Variants in ZNF385D observed in about 807,000 individuals in gnomAD.
ZNF385D encodes zinc finger protein 385D.
A neutral mutation model predicts 35.8 loss-of-function variants in ZNF385D; 15 were observed. That is an observed-to-expected ratio of 0.42 (90% CI 0.28 to 0.64). The LOEUF is 0.64. Ranked by LOEUF, ZNF385D falls within the 30% of genes least tolerant of loss-of-function variation. The pLI is 0.23. For synonymous variants in ZNF385D, 212 were observed against 186.8 expected (o/e 1.13, Z -1.10); for missense variants, 474 against 494.6 (o/e 0.96, Z 0.39).
intron 3 of ZNF385D, among the ~76,000 whole-genome samples, chr3:21,866,156 T>TA (rs958328207): frequency 4.2e-4 from 64 of 151,208 alleles, no homozygotes; most frequent in Non-Finnish European, 5.8e-4. Flanking sequence ...AATCTGGTAT[T>TA]AAAAAAAAAC....
At chr3:22,167,392 C>T (rs1415255950) in intron 3 of ZNF385D, among the ~76,000 whole-genome samples, 2 of 152,154 alleles carry the variant, frequency 1.3e-5, no homozygotes, top group Non-Finnish European at 2.9e-5. Flanking sequence ...AGAAACTACC[C>T]AACTGTGGGG....
intron 3 of ZNF385D, among the ~76,000 whole-genome samples, chr3:21,765,462 G>A (rs2070785926): frequency 6.6e-6 from 1 of 152,072 alleles, no homozygotes; most frequent in South Asian, 2.1e-4. Flanking sequence ...GGGATTTTCT[G>A]AGACCCATGA....
intron 2 of ZNF385D, among the ~76,000 whole-genome samples, chr3:22,332,936 T>TTCCGGTA (rs1695005066): frequency 1.3e-5 from 2 of 152,108 alleles, no homozygotes; most frequent in South Asian, 4.1e-4. Flanking sequence ...TTAACTTTCC[T>TTCCGGTA]TCCGGTAACA....
intron 3 of ZNF385D, among the ~76,000 whole-genome samples, chr3:21,950,066 A>AAATGATGTAGTAACTATGATGGTTTCCTC (rs1559784200): frequency 3.3e-5 from 5 of 152,002 alleles, no homozygotes; most frequent in African/African-American, 1.2e-4. Context: ...CTTTGGGTAT[A>AAATGATGTAGTAACTATGATGGTTTCCTC]TACCCAGTAA....
chr3:22,049,424 G>A (rs1376291918), intron 3 of ZNF385D, among the ~76,000 whole-genome samples: 1 of 149,986 alleles, frequency 6.7e-6, no homozygotes, highest in African/African-American at 2.4e-5. Flanking sequence ...TTTTTTTTTG[G>A]CGGATTCTTT....
At chr3:21,914,142 A>T (rs1025361204) in intron 3 of ZNF385D, among the ~76,000 whole-genome samples, 11 of 151,974 alleles carry the variant, frequency 7.2e-5, no homozygotes, top group African/African-American at 2.7e-4. Context: ...AATCACTCTT[A>T]AAAAAAATGA....
intron 1 of ZNF385D, among the ~76,000 whole-genome samples, chr3:21,681,297 G>GAAAAAAA (rs1559513520): frequency 4.9e-4 from 1 of 2,022 alleles, no homozygotes; most frequent in Non-Finnish European, 1.7e-3. Context: ...TATTCCATCA[G>GAAAAAAA]TAAAAAAAAA....
chr3:22,217,510 T>C (rs77452537), intron 2 of ZNF385D, among the ~76,000 whole-genome samples: 2,288 of 152,290 alleles, frequency 0.015, 55 homozygotes, highest in African/African-American at 0.052. Context: ...AATGACCCTG[T>C]TTCCAAATAA....
chr3:21,980,011 G>A (rs977249290), intron 3 of ZNF385D, among the ~76,000 whole-genome samples: 1 of 152,150 alleles, frequency 6.6e-6, no homozygotes, highest in Non-Finnish European at 1.5e-5. Context: ...TGACTTTCAA[G>A]ACTAGGCCAT....
chr3:21,922,688 G>A (rs1700531293), intron 3 of ZNF385D, among the ~76,000 whole-genome samples: 1 of 152,110 alleles, frequency 6.6e-6, no homozygotes, highest in Admixed American at 6.5e-5. Flanking sequence ...AAGAATCCGA[G>A]AAGAAAACCT....
chr3:22,048,046 T>C (rs1166975388), intron 3 of ZNF385D, among the ~76,000 whole-genome samples: 1 of 152,224 alleles, frequency 6.6e-6, no homozygotes, highest in Non-Finnish European at 1.5e-5. Context: ...ATGTCTTCTT[T>C]TGAGAAACAT....
At chr3:22,183,348 ATTTAC>A (rs1383907383) in intron 2 of ZNF385D, among the ~76,000 whole-genome samples, 2 of 151,928 alleles carry the variant, frequency 1.3e-5, no homozygotes, top group African/African-American at 2.4e-5. Context: ...GAAGTTATTT[ATTTAC>A]TTATTTTTTT....
chr3:21,974,231 G>A (rs142449157), intron 3 of ZNF385D, among the ~76,000 whole-genome samples: 38 of 152,084 alleles, frequency 2.5e-4, no homozygotes, highest in Non-Finnish European at 2.9e-4. Flanking sequence ...CAGACATATA[G>A]ACCAGTGGAA....
At chr3:21,971,963 A>T (rs1576045031) in intron 3 of ZNF385D, among the ~76,000 whole-genome samples, 1 of 152,124 alleles carries the variant, frequency 6.6e-6, no homozygotes, top group African/African-American at 2.4e-5. Flanking sequence ...TATAAAGCAC[A>T]TATTATCAGA....
intron 3 of ZNF385D, among the ~76,000 whole-genome samples, chr3:21,985,146 A>G (rs899324262): frequency 2.1e-5 from 2 of 96,096 alleles, no homozygotes; most frequent in East Asian, 5.9e-4. Context: ...TTCCTAATTG[A>G]ATACCCTTTA....
intron 2 of ZNF385D, among the ~76,000 whole-genome samples, chr3:22,324,615 C>T (rs1028476854): frequency 6.6e-6 from 1 of 152,068 alleles, no homozygotes; most frequent in African/African-American, 2.4e-5. Flanking sequence ...TATGCTCCCC[C>T]AAATTATCTA....
Position 21,416,427 on chromosome 3 carries a change from A to G in ZNF385D, c.*4787T>C, listed in dbSNP as rs1700562607. On this transcript the variant is annotated 3_prime_UTR_variant, in exon 8 of 8. Transcript: ENST00000281523. ...AAGTTGTAAGTCCATTCCTGGCAGT[A>G]ACAACCTTTAGGCCAAATGAGCATG... 6.6e-6 allele frequency: 1 copy of G among 152,128 alleles called. No homozygotes were observed. Among genetic ancestry groups the G allele is most frequent in the African/African-American group, 2.4e-5 (1 of 41,422 alleles). The allele number at this position is 152,128 out of a possible 1,614,324, so 9.4% of individuals were successfully genotyped here. A position where few individuals can be genotyped will look rare whatever the true frequency, so the allele number is the denominator to read the frequency against.
At chr3:21,433,801 CAATT>C (rs923644491) in intron 5 of ZNF385D, among the ~76,000 whole-genome samples, 7 of 152,100 alleles carry the variant, frequency 4.6e-5, no homozygotes, top group African/African-American at 1.2e-4. Flanking sequence ...ATATTTTAAA[CAATT>C]AATGTGGTTA....
At chr3:22,033,402 A>AAATAATAAAATAATAAT (rs1698123675) in intron 3 of ZNF385D, among the ~76,000 whole-genome samples, 1 of 139,396 alleles carries the variant, frequency 7.2e-6, no homozygotes, top group African/African-American at 2.7e-5. Context: ...GCTGGCTCCA[A>AAATAATAAAATAATAAT]AATAATAATA....
Sources: allele counts gnomAD v4.1 joint callset (sites outside exome capture counted in the v4.1 genomes callset), GRCh38; gene constraint gnomAD v4.1.1; transcripts MANE v1.5; gene names NCBI Gene and HGNC (gene_info 2026-07-23, HGNC 2026-07-21).